The following AHCYL2 variants were observed in gnomAD, a reference collection of about 807,000 sequenced individuals.
The protein encoded by AHCYL2 is adenosylhomocysteinase like 2, also known as S-adenosylhomocysteine hydrolase-like protein 2.
A neutral mutation model predicts 81.4 loss-of-function variants in AHCYL2; 28 were observed. That is an observed-to-expected ratio of 0.34 (90% CI 0.25 to 0.47). AHCYL2 has a LOEUF of 0.47. Ranked by LOEUF, AHCYL2 falls within the 20% of genes least tolerant of loss-of-function variation. The pLI, the probability that AHCYL2 is intolerant of heterozygous loss-of-function variation, is 1.00. For missense variants in AHCYL2, 551 were observed against 785.1 expected (o/e 0.70, Z 3.56); for synonymous variants, 272 against 290.2 (o/e 0.94, Z 0.64).
intron 5 of AHCYL2, among the ~76,000 whole-genome samples, chr7:129,399,724 C>A (rs1468189905): frequency 8.2e-6 from 1 of 122,372 alleles, no homozygotes. Context: ...CCTTTAGTCA[C>A]TTTTTTTTTT....
At chr7:129,269,038 C>T (rs1387285026) in intron 1 of AHCYL2, among the ~76,000 whole-genome samples, 2 of 151,994 alleles carry the variant, frequency 1.3e-5, no homozygotes, top group Admixed American at 6.6e-5. Context: ...CTATTCTGGA[C>T]ATTTCATATA....
At chr7:129,421,155 G>T (rs531067847) in intron 12 of AHCYL2, among the ~76,000 whole-genome samples, 1 of 152,078 alleles carries the variant, frequency 6.6e-6, no homozygotes, top group East Asian at 1.9e-4. Flanking sequence ...GGGAGGCTGA[G>T]GCAGGAGAAT....
At chr7:129,382,953 G>A (rs1174342934) in intron 2 of AHCYL2, among the ~76,000 whole-genome samples, 1 of 152,008 alleles carries the variant, frequency 6.6e-6, no homozygotes, top group African/African-American at 2.4e-5. Context: ...ACACTGGAAA[G>A]CCCCAAAGAC....
At chr7:129,275,676 G>A (rs775950639) in intron 1 of AHCYL2, among the ~76,000 whole-genome samples, 1 of 152,058 alleles carries the variant, frequency 6.6e-6, no homozygotes, top group Admixed American at 6.5e-5. Flanking sequence ...TTCCAAATCA[G>A]TATGCATCTT....
At chr7:129,276,946 C>G (rs1796232600) in intron 1 of AHCYL2, among the ~76,000 whole-genome samples, 1 of 151,942 alleles carries the variant, frequency 6.6e-6, no homozygotes, top group African/African-American at 2.4e-5. Context: ...GTATTATTAA[C>G]AAATCTATGG....
chr7:129,280,178 C>CTTTTTTT lies in AHCYL2; in HGVS notation c.363+54744_363+54750dup, dbSNP rs59849233. On this transcript the variant is annotated intron_variant, in intron 1 of 16. Coordinates refer to ENST00000325006, the MANE Select transcript of AHCYL2 (RefSeq NM_015328.4). ...TTATAGTCTTTAAGTTTGCTAAATA[C>CTTTTTTT]TTTTTTTTTTTGAGAGAGTCTCGCT... Among the ~76,000 whole-genome samples the CTTTTTTT allele has an allele frequency of 2.3e-4, 26 of 112,554 alleles. 3 individuals are homozygous for CTTTTTTT. Among genetic ancestry groups the CTTTTTTT allele is most frequent in the South Asian group, 6.1e-4 (2 of 3,270 alleles). The allele number at this position is 112,554 out of a possible 152,430, so 73.8% of individuals were successfully genotyped here. A position where few individuals can be genotyped will look rare whatever the true frequency, so the allele number is the denominator to read the frequency against.
intron 1 of AHCYL2, among the ~76,000 whole-genome samples, chr7:129,235,570 A>T (rs907631629): frequency 6.6e-6 from 1 of 151,724 alleles, no homozygotes; most frequent in African/African-American, 2.4e-5. Context: ...CTACAGGCAC[A>T]TGCCACCATG....
chr7:129,348,637 A>G (rs1029089122), intron 1 of AHCYL2, among the ~76,000 whole-genome samples: 8 of 152,262 alleles, frequency 5.3e-5, no homozygotes, highest in African/African-American at 1.9e-4. Flanking sequence ...AGTCATGTAT[A>G]TAATCTAATG....
chr7:129,414,459 C>T (rs1344273694), intron 12 of AHCYL2, among the ~76,000 whole-genome samples: 2 of 128,488 alleles, frequency 1.6e-5, no homozygotes, highest in Non-Finnish European at 3.1e-5. Context: ...CTCACTCTGT[C>T]GCCCAGGCTG....
Position 129,411,328 on chromosome 7 carries a change from C to T in AHCYL2, c.1366+1782C>T, listed in dbSNP as rs531714641. Among the ~76,000 whole-genome samples the T allele has an allele frequency of 2.0e-5, 3 of 152,274 alleles. No individual in the cohort carries two copies. The East Asian group carries it at 5.8e-4, about 29-fold the overall frequency. On this transcript the variant is annotated intron_variant, in intron 11 of 16. Transcript: ENST00000325006. ...CCAAAAAGAAACCCCATATCATTAG[C>T]AGTCACTCCTTATTCCATCCTCCAT...
At chr7:129,367,183 G>C (rs1004399916) in intron 1 of AHCYL2, among the ~76,000 whole-genome samples, 1 of 152,072 alleles carries the variant, frequency 6.6e-6, no homozygotes, top group African/African-American at 2.4e-5. Flanking sequence ...GTGATTTTGG[G>C]GGCCCAAGAT....
chr7:129,252,622 C>T (rs1393618718), intron 1 of AHCYL2, among the ~76,000 whole-genome samples: 1 of 152,146 alleles, frequency 6.6e-6, no homozygotes, highest in African/African-American at 2.4e-5. Flanking sequence ...AAAATATTGT[C>T]TGGGGGTGGT....
At chr7:129,330,777 A>T (rs988751310) in intron 1 of AHCYL2, among the ~76,000 whole-genome samples, 1 of 152,226 alleles carries the variant, frequency 6.6e-6, no homozygotes, top group Non-Finnish European at 1.5e-5. Flanking sequence ...ACATTTTTTA[A>T]AAAAGGAAAT....
intron 1 of AHCYL2, chr7:129,283,498 G>A (rs1796521209): frequency 2.2e-6 from 1 of 451,626 alleles, no homozygotes; most frequent in African/African-American, 2.0e-5. Flanking sequence ...CTTCTTATGT[G>A]CTTGAAATGT....
intron 1 of AHCYL2, among the ~76,000 whole-genome samples, chr7:129,264,076 C>T (rs554997926): frequency 5.9e-5 from 9 of 152,290 alleles, no homozygotes; most frequent in South Asian, 2.1e-4. Flanking sequence ...GGCTGGAGTG[C>T]AGTGGCGCCA....
chr7:129,368,298 A>G lies in AHCYL2; in HGVS notation c.364-11340A>G, dbSNP rs1794201479. The stretch of plus-strand genomic sequence containing the variant: ...CAGAAGGCTTTGAAGCCGGCCAGTA[A>G]GGGGTTGTCAGGCAGTTGACTAATG... On this transcript the variant is annotated intron_variant, in intron 1 of 16. Transcript: ENST00000325006. The surrounding 1 kb of genome is among the most constrained non-coding windows in gnomAD (Gnocchi z 4.4). The G allele has an allele frequency of 3.5e-6, 5 of 1,427,482 alleles. No individual in the cohort carries two copies. Among genetic ancestry groups the G allele is most frequent in the East Asian group, 2.6e-5 (1 of 39,188 alleles). The allele number at this position is 1,427,482 out of a possible 1,614,324, so 88.4% of individuals were successfully genotyped here. A position where few individuals can be genotyped will look rare whatever the true frequency, so the allele number is the denominator to read the frequency against.
chr7:129,291,258 G>A (rs562601995), intron 1 of AHCYL2, among the ~76,000 whole-genome samples: 19 of 152,226 alleles, frequency 1.2e-4, no homozygotes, highest in African/African-American at 4.3e-4. Context: ...ACAAAACTAA[G>A]TACCCACAAT....
chr7:129,317,882 G>A lies in AHCYL2; in HGVS notation c.364-61756G>A, dbSNP rs181620284. Among the ~76,000 whole-genome samples, 211 of 152,268 alleles carry A rather than the reference G, an allele frequency of 1.4e-3. 1 individual carries two copies. Among genetic ancestry groups the A allele is most frequent in the Middle Eastern group, 0.014 (4 of 294 alleles). ...ACTAGGGAAGATAGAAATAAAAGTA[G>A]AAACTCAAAGAACTAACTATTACTA... On this transcript the variant is annotated intron_variant, in intron 1 of 16. Coordinates refer to ENST00000325006, the MANE Select transcript of AHCYL2 (RefSeq NM_015328.4).
At chr7:129,272,412 C>T (rs186937845) in intron 1 of AHCYL2, among the ~76,000 whole-genome samples, 108 of 152,246 alleles carry the variant, frequency 7.1e-4, no homozygotes, top group African/African-American at 2.4e-3. Context: ...TTTTATGCCA[C>T]TAAGCTTTAG....
Sources: gnomAD v4.1 joint callset for allele counts (sites outside exome capture counted in the v4.1 genomes callset) on GRCh38, gnomAD v4.1.1 for gene constraint, Gnocchi (gnomAD v3.1) non-coding constraint, MANE v1.5 for transcripts, NCBI Gene and HGNC (gene_info 2026-07-23, HGNC 2026-07-21) for gene names.